Variants in TMTC2 observed in about 807,000 individuals in gnomAD.
TMTC2 encodes transmembrane O-mannosyltransferase targeting cadherins 2, also known as protein O-mannosyl-transferase TMTC2.
Under a neutral mutation model 82.4 loss-of-function variants are expected in TMTC2, and 43 were observed. The observed-to-expected ratio is 0.52, with a 90% CI of 0.41 to 0.67. The LOEUF is 0.67. TMTC2 is among the 30% of genes least tolerant of loss of function. The pLI, the probability that TMTC2 is intolerant of heterozygous loss-of-function variation, is 0.00. For synonymous variants in TMTC2, 408 were observed against 381.9 expected (o/e 1.07, Z -0.80); for missense variants, 919 against 1,012.4 (o/e 0.91, Z 1.25).
intron 1 of TMTC2, among the ~76,000 whole-genome samples, chr12:82,752,719 G>C (rs959452554): frequency 6.6e-6 from 1 of 151,582 alleles, no homozygotes; most frequent in Non-Finnish European, 1.5e-5. Flanking sequence ...AAACATCTAG[G>C]ATGCAGAACT....
chr12:83,078,356 C>T (rs1208943705), intron 11 of TMTC2, among the ~76,000 whole-genome samples: 1 of 152,132 alleles, frequency 6.6e-6, no homozygotes, highest in Non-Finnish European at 1.5e-5. Context: ...TACTGTTAAG[C>T]TCCTTATTCC....
At chr12:82,899,072 T>C (rs1873827806) in intron 3 of TMTC2, among the ~76,000 whole-genome samples, 2 of 152,190 alleles carry the variant, frequency 1.3e-5, no homozygotes, top group East Asian at 3.8e-4. Context: ...TTATTAAACA[T>C]TTCCTTGGTT....
chr12:83,014,901 C>T (rs946105329), intron 8 of TMTC2, among the ~76,000 whole-genome samples: 2 of 152,124 alleles, frequency 1.3e-5, no homozygotes, highest in African/African-American at 2.4e-5. Flanking sequence ...CAGAGCTTTA[C>T]GTGTGCTATC....
At chr12:82,752,506 C>CA (rs1409081223) in intron 1 of TMTC2, among the ~76,000 whole-genome samples, 1 of 151,844 alleles carries the variant, frequency 6.6e-6, no homozygotes, top group East Asian at 1.9e-4. Flanking sequence ...CAAAACAAAA[C>CA]AAAGAATCTT....
In TMTC2 at chr12:82,895,854, T is replaced by C. The variant is rs1259573697; in HGVS notation, c.691T>C (p.Leu231=). The change falls in exon 3 of 12, where the codon TTA becomes CTA. Residue 231 remains leucine, a synonymous_variant. Coordinates refer to ENST00000321196, the MANE Select transcript of TMTC2 (RefSeq NM_152588.3). The part of the protein sequence containing the change: ...NLSLFLSISL[L]IFWGSSLLGA... ...GTCGCTTTTCCTAAGCATTAGTTTG[T>C]TAATTTTCTGGGGTTCCTCCCTTTT... 11 of 1,612,584 alleles carry C rather than the reference T, an allele frequency of 6.8e-6. No individual in the cohort carries two copies. Among genetic ancestry groups the C allele is most frequent in the Non-Finnish European group, 7.6e-6 (9 of 1,179,410 alleles).
chr12:82,907,267 GCC>G (rs1283802077), intron 3 of TMTC2, among the ~76,000 whole-genome samples: 1 of 151,804 alleles, frequency 6.6e-6, no homozygotes, highest in Non-Finnish European at 1.5e-5. Flanking sequence ...TTCGAGACCA[GCC>G]TGGCTAGCAT....
intron 11 of TMTC2, among the ~76,000 whole-genome samples, chr12:83,080,011 CT>C (rs1883409156): frequency 6.6e-6 from 1 of 152,110 alleles, no homozygotes; most frequent in African/African-American, 2.4e-5. Flanking sequence ...CCTTGGAAAA[CT>C]TTACTAGAAA....
chr12:82,829,395 A>C (rs749873725), intron 1 of TMTC2, among the ~76,000 whole-genome samples: 8 of 152,204 alleles, frequency 5.3e-5, no homozygotes, highest in Non-Finnish European at 8.8e-5. Flanking sequence ...GCTTGTGAGT[A>C]GCAAATCCAG....
rs186304798 is a variant in TMTC2, at chr12:82,965,178, G to A, written c.1684+69G>A. 5 of 1,181,292 alleles carry A rather than the reference G, an allele frequency of 4.2e-6. No individual in the cohort carries two copies. In the Admixed American group the frequency reaches 5.8e-5, roughly 14 times the overall value. The allele number at this position is 1,181,292 out of a possible 1,614,324, so 73.2% of individuals were successfully genotyped here. A position where few individuals can be genotyped will look rare whatever the true frequency, so the allele number is the denominator to read the frequency against. ...ATTTGAAAATTAACTCTAATTTACA[G>A]CCTCACTGAGAAAACACTTGGTGCT... On this transcript the variant is annotated intron_variant, in intron 5 of 11. Transcript: ENST00000321196.
intron 1 of TMTC2, among the ~76,000 whole-genome samples, chr12:82,850,637 T>C (rs1870925720): frequency 6.6e-6 from 1 of 152,160 alleles, no homozygotes; most frequent in African/African-American, 2.4e-5. Context: ...AGAAGAGTAA[T>C]GTGCTAAAGA....
intron 4 of TMTC2, among the ~76,000 whole-genome samples, chr12:82,945,784 T>C (rs1157187817): frequency 6.6e-6 from 1 of 152,160 alleles, no homozygotes; most frequent in Non-Finnish European, 1.5e-5. Flanking sequence ...CCAGGAAATA[T>C]AGTAATATTG....
intron 1 of TMTC2, among the ~76,000 whole-genome samples, chr12:82,797,784 T>G (rs1274467570): frequency 6.6e-6 from 1 of 152,048 alleles, no homozygotes; most frequent in African/African-American, 2.4e-5. Flanking sequence ...TTAAGTCATT[T>G]TAGGCTCATG....
chr12:82,837,344 A>C (rs1165208473), intron 1 of TMTC2, among the ~76,000 whole-genome samples: 1 of 152,170 alleles, frequency 6.6e-6, no homozygotes, highest in Non-Finnish European at 1.5e-5. Context: ...ATGGTGACGC[A>C]CATCTGTAGT....
chr12:82,699,418 G>T (rs1372538280), intron 1 of TMTC2, among the ~76,000 whole-genome samples: 3 of 152,152 alleles, frequency 2.0e-5, no homozygotes, highest in Non-Finnish European at 4.4e-5. Flanking sequence ...CAGTGCATCT[G>T]GTATAAATAG....
chr12:82,965,458 A>T, intron 5 of TMTC2, 102 bp from the exon 6 acceptor site: 5 of 1,269,856 alleles, frequency 3.9e-6, no homozygotes, highest in Admixed American at 4.7e-5. Context: ...TTCTTTTTTA[A>T]TGAGCACTAA....
chr12:82,922,494 C>T (rs1875454740), intron 3 of TMTC2, among the ~76,000 whole-genome samples: 1 of 151,110 alleles, frequency 6.6e-6, no homozygotes, highest in Admixed American at 6.6e-5. Flanking sequence ...TCTTTTCCTA[C>T]CTTCCTTTTC....
intron 3 of TMTC2, among the ~76,000 whole-genome samples, chr12:82,928,381 A>G (rs1032223026): frequency 6.6e-6 from 1 of 152,156 alleles, no homozygotes; most frequent in Non-Finnish European, 1.5e-5. Flanking sequence ...TATCTTATTA[A>G]TTTGTGGTAG....
intron 2 of TMTC2, among the ~76,000 whole-genome samples, chr12:82,863,484 C>G (rs1871655856): frequency 6.6e-6 from 1 of 152,190 alleles, no homozygotes; most frequent in South Asian, 2.1e-4. Flanking sequence ...GCTGCCAACA[C>G]TGCTAACCAG....
At chr12:82,895,260 G>A (rs1401777032) in intron 2 of TMTC2, among the ~76,000 whole-genome samples, 3 of 152,066 alleles carry the variant, frequency 2.0e-5, no homozygotes, top group East Asian at 1.9e-4. Context: ...CTGCAAGGAC[G>A]GAACTCTTTA....
Sources: allele counts gnomAD v4.1 joint callset (sites outside exome capture counted in the v4.1 genomes callset), GRCh38; gene constraint gnomAD v4.1.1; transcripts MANE v1.5; gene names NCBI Gene and HGNC (gene_info 2026-07-23, HGNC 2026-07-21).